The following MCTP1 variants were observed in gnomAD, a reference collection of about 807,000 sequenced individuals.
The protein encoded by MCTP1 is multiple C2 and transmembrane domain-containing protein 1.
MCTP1 carries 69 observed loss-of-function variants against 120.6 expected under a neutral mutation model. The ratio of observed to expected loss-of-function variants is 0.57; its 90% CI spans 0.47 to 0.70. MCTP1 has a LOEUF of 0.70. Among genes scored for constraint, MCTP1 ranks in the 30% least tolerant of loss-of-function variants. The probability of loss-of-function intolerance (pLI) is 0.00; values close to 1 mark genes in which losing one functional copy is unlikely to be tolerated. For missense variants in MCTP1, 1,203 were observed against 1,248.8 expected, an observed-to-expected ratio of 0.96 and a Z score of 0.55; for synonymous variants, 529 against 493.1, an observed-to-expected ratio of 1.07 and a Z score of -0.96.
At chr5:95,081,092 A>T (rs891245158) in intron 1 of MCTP1, among the ~76,000 whole-genome samples, 1 of 152,182 alleles carries the variant, frequency 6.6e-6, no homozygotes, top group South Asian at 2.1e-4. Context: ...TAGCAAAAGA[A>T]ATATAAGAAA....
intron 1 of MCTP1, among the ~76,000 whole-genome samples, chr5:95,241,445 C>CT (rs1380529099): frequency 6.6e-6 from 1 of 152,126 alleles, no homozygotes; most frequent in African/African-American, 2.4e-5. Flanking sequence ...ACCATAGCAG[C>CT]TTGAAAAACA....
chr5:95,114,821 G>A (rs1349991684), intron 1 of MCTP1, among the ~76,000 whole-genome samples: 1 of 152,204 alleles, frequency 6.6e-6, no homozygotes, highest in African/African-American at 2.4e-5. Flanking sequence ...CAGCCAGGTA[G>A]TAATTACAGT....
intron 1 of MCTP1, among the ~76,000 whole-genome samples, chr5:95,270,110 T>C (rs1028045846): frequency 6.6e-6 from 1 of 152,180 alleles, no homozygotes; most frequent in Non-Finnish European, 1.5e-5. Flanking sequence ...ATAATGATGG[T>C]GATTTAGTAG....
rs531816471 is a variant in MCTP1 at position 94,841,372 on chromosome 5, T to C, written c.2436+26961A>G. 3.3e-5 allele frequency among the ~76,000 whole-genome samples: 5 copies of C among 152,328 alleles called. No homozygotes were observed. In the East Asian group the frequency reaches 9.6e-4, roughly 29 times the overall value. On this transcript the variant is annotated intron_variant, in intron 17 of 22. Coordinates refer to ENST00000515393, the MANE Select transcript of MCTP1 (RefSeq NM_024717.7). ...GAAAAGTTCTTAGGATATAATTTTT[T>C]CCATTAAAGCCAGCTGAAAAACAAA...
chr5:95,179,678 G>T (rs1031848287), intron 1 of MCTP1, among the ~76,000 whole-genome samples: 1 of 152,146 alleles, frequency 6.6e-6, no homozygotes, highest in African/African-American at 2.4e-5. Context: ...GCTAAAAGGC[G>T]CTCTAAATCT....
At chr5:94,937,392 G>T (rs1403625410) in intron 5 of MCTP1, among the ~76,000 whole-genome samples, 1 of 152,026 alleles carries the variant, frequency 6.6e-6, no homozygotes, top group African/African-American at 2.4e-5. Flanking sequence ...AACTTTTTGT[G>T]TTAAGGGTGA....
At chr5:95,103,245 A>AC (rs146277319) in intron 1 of MCTP1, among the ~76,000 whole-genome samples, 3 of 152,244 alleles carry the variant, frequency 2.0e-5, no homozygotes, top group African/African-American at 7.2e-5. Flanking sequence ...ACAAATATAT[A>AC]CGTAAGCTTT....
At chr5:95,109,235 C>T (rs1326718765) in intron 1 of MCTP1, among the ~76,000 whole-genome samples, 5 of 152,062 alleles carry the variant, frequency 3.3e-5, no homozygotes, top group Middle Eastern at 3.2e-3. Flanking sequence ...CCTATATTTC[C>T]CATTGCAGGA....
intron 1 of MCTP1, among the ~76,000 whole-genome samples, chr5:95,264,915 A>C (rs1582694217): frequency 6.6e-6 from 1 of 152,224 alleles, no homozygotes; most frequent in East Asian, 1.9e-4. Context: ...AAAGACAGAG[A>C]CCTGATGACT....
chr5:94,975,583 G>A (rs935679836), intron 2 of MCTP1, among the ~76,000 whole-genome samples: 5 of 151,668 alleles, frequency 3.3e-5, no homozygotes, highest in Admixed American at 1.3e-4. Flanking sequence ...ACAGTATTTC[G>A]TTATAACAGC....
At position 94,779,122 on chromosome 5, in the gene MCTP1, G is replaced by A. The variant is rs139301276; in HGVS notation, c.2598C>T (p.Asp866=). 116 of 1,613,340 alleles carry A rather than the reference G, an allele frequency of 7.2e-5. No homozygotes were observed. The Admixed American group carries it at 7.3e-4, about 10-fold the overall frequency. ...GAAAGATAATTACCTTGTCATCTTT[G>A]TCATCTTCTTCTTCCTCGTCCTCTA... ...DMLEDEEEED[D]KDDKDSEKKG... The change falls in exon 19 of 23, where the codon GAC becomes GAT. Residue 866 remains aspartate (D), a synonymous_variant. Transcript: ENST00000515393.
At chr5:95,039,943 G>A (rs1310112327) in intron 1 of MCTP1, among the ~76,000 whole-genome samples, 3 of 147,306 alleles carry the variant, frequency 2.0e-5, no homozygotes, top group African/African-American at 7.5e-5. Context: ...TATCACACGA[G>A]TAGATAACAC....
At chr5:94,753,767 A>C (rs1769080942) in intron 19 of MCTP1, among the ~76,000 whole-genome samples, 2 of 152,246 alleles carry the variant, frequency 1.3e-5, no homozygotes. Flanking sequence ...ATGCATATGC[A>C]GAAGGGCCTG....
At chr5:94,738,208 T>A (rs1764706628) in intron 19 of MCTP1, among the ~76,000 whole-genome samples, 1 of 152,212 alleles carries the variant, frequency 6.6e-6, no homozygotes, top group African/African-American at 2.4e-5. Context: ...CCCAGAAATT[T>A]GGCAGAATAA....
At chr5:95,096,333 GT>G (rs1321349080) in intron 1 of MCTP1, among the ~76,000 whole-genome samples, 1 of 152,178 alleles carries the variant, frequency 6.6e-6, no homozygotes, top group Non-Finnish European at 1.5e-5. Context: ...ACAAAACAGA[GT>G]TTTTAATTGC....
At chr5:95,233,351 C>T (rs1319421838) in intron 1 of MCTP1, among the ~76,000 whole-genome samples, 7 of 147,496 alleles carry the variant, frequency 4.7e-5, no homozygotes, top group East Asian at 4.0e-4. Context: ...TTTCTCGAGA[C>T]GGAGTCTTGC....
chr5:95,027,364 C>T (rs781039863), intron 1 of MCTP1, among the ~76,000 whole-genome samples: 7 of 152,292 alleles, frequency 4.6e-5, no homozygotes, highest in Non-Finnish European at 7.3e-5. Flanking sequence ...AGTGAGCAGG[C>T]TGGCTGGTGC....
intron 7 of MCTP1, 71 bp downstream of exon 7, chr5:94,923,891 C>A: frequency 1.2e-6 from 1 of 867,912 alleles, no homozygotes; most frequent in Non-Finnish European, 1.8e-6. Flanking sequence ...CTCTTAGTTG[C>A]CATGTAACTT....
At chr5:95,008,652 G>T (rs1364123732) in intron 2 of MCTP1, among the ~76,000 whole-genome samples, 1 of 152,102 alleles carries the variant, frequency 6.6e-6, no homozygotes, top group Non-Finnish European at 1.5e-5. Context: ...TTGGAAATGG[G>T]ATCTTTGAAG....
Sources: gnomAD v4.1 joint callset for allele counts (sites outside exome capture counted in the v4.1 genomes callset) on GRCh38, gnomAD v4.1.1 for gene constraint, MANE v1.5 for transcripts, NCBI Gene and HGNC (gene_info 2026-07-23, HGNC 2026-07-21) for gene names.